Variants in JPH2 observed in about 807,000 individuals in gnomAD.
JPH2 encodes the protein junctophilin-2.
JPH2 carries 38 observed loss-of-function variants against 55.9 expected under a neutral mutation model. The ratio of observed to expected loss-of-function variants is 0.68; its 90% CI spans 0.52 to 0.89. The LOEUF (loss-of-function observed/expected upper bound fraction) is 0.89, where lower values mean the gene tolerates loss of function less well. Ranked by LOEUF, JPH2 falls within the 40% of genes least tolerant of loss-of-function variation. JPH2 has a pLI of 0.00. For synonymous variants in JPH2, 480 were observed against 472.4 expected (o/e 1.02, Z -0.21); for missense variants, 964 against 1,037.6 (o/e 0.93, Z 0.97).
intron 2 of JPH2, among the ~76,000 whole-genome samples, chr20:44,146,146 G>C (rs776850296): frequency 1.3e-5 from 2 of 151,188 alleles, no homozygotes; most frequent in Non-Finnish European, 2.9e-5. Flanking sequence ...CCATTCTCCT[G>C]CCTCAGCCTC....
chr20:44,172,895 A>C (rs986462920), intron 1 of JPH2, among the ~76,000 whole-genome samples: 19 of 152,332 alleles, frequency 1.2e-4, no homozygotes, highest in African/African-American at 4.6e-4. Context: ...AATCCTGAGA[A>C]GGTCACAGCT....
chr20:44,127,971 C>T (rs2072289527), intron 2 of JPH2, among the ~76,000 whole-genome samples: 1 of 151,954 alleles, frequency 6.6e-6, no homozygotes, highest in Middle Eastern at 3.2e-3. Flanking sequence ...GGATTTTTTT[C>T]CTTCTTATTA....
chr20:44,152,609 TTAAA>T (rs1333352611), intron 2 of JPH2, among the ~76,000 whole-genome samples: 3 of 152,146 alleles, frequency 2.0e-5, no homozygotes, highest in African/African-American at 7.2e-5. Flanking sequence ...TAAATAAAAA[TTAAA>T]TAAGCAGGCT....
At chr20:44,147,916 A>C (rs1247591547) in intron 2 of JPH2, among the ~76,000 whole-genome samples, 1 of 152,190 alleles carries the variant, frequency 6.6e-6, no homozygotes, top group African/African-American at 2.4e-5. Flanking sequence ...TAATTCCAGC[A>C]CTTTGGGAGG....
chr20:44,173,538 T>C (rs4239697), intron 1 of JPH2, among the ~76,000 whole-genome samples: 54,715 of 152,052 alleles, frequency 0.36, 10,657 homozygotes, highest in Admixed American at 0.52. Flanking sequence ...AACCCCCATC[T>C]TCCCACTTGA....
chr20:44,132,569 G>T (rs376105795), intron 2 of JPH2, among the ~76,000 whole-genome samples: 95 of 151,720 alleles, frequency 6.3e-4, no homozygotes, highest in African/African-American at 2.2e-3. Flanking sequence ...GCACGAGGCC[G>T]GAGAGGGCTG....
chr20:44,134,755 T>TATAAATATATAAAGATATATTTATA (rs2072390766), intron 2 of JPH2, among the ~76,000 whole-genome samples: 1 of 106,842 alleles, frequency 9.4e-6, no homozygotes, highest in African/African-American at 3.8e-5. Context: ...ATATATTTAT[T>TATAAATATATAAAGATATATTTATA]ATAAATATAT....
chr20:44,143,070 T>C (rs1442018117), intron 2 of JPH2, among the ~76,000 whole-genome samples: 3 of 152,142 alleles, frequency 2.0e-5, no homozygotes, highest in South Asian at 2.1e-4. Context: ...AGAGCAGGTG[T>C]TCGTGAGAGA....
Position 44,159,952 on chromosome 20 carries a change from A to G in JPH2, c.835T>C (p.Phe279Leu). 6.2e-7 allele frequency: 1 copy of G among 1,605,956 alleles called. No homozygotes were observed. Among genetic ancestry groups the G allele is most frequent in the Non-Finnish European group, 8.5e-7 (1 of 1,178,160 alleles). ...AAEGADEAAPFEADIDATTTE... is the reference protein window; with the variant it reads ...AAEGADEAAPLEADIDATTTE... ...GTGGTGGCGTCGATATCGGCCTCGA[A>G]GGGTGCGGCCTCGTCGGCGCCCTCG... is the stretch of plus-strand genomic sequence containing the variant. Residue 279 changes from phenylalanine (F) to leucine (L), a missense_variant, in exon 2 of 6, where the codon TTC becomes CTC. Transcript: ENST00000372980. The surrounding 1 kb of genome is among the most constrained non-coding windows in gnomAD (Gnocchi z 5.7).
chr20:44,119,156 C>T (rs529212582), intron 2 of JPH2, among the ~76,000 whole-genome samples: 1 of 152,308 alleles, frequency 6.6e-6, no homozygotes, highest in African/African-American at 2.4e-5. Context: ...TAAAAGAACA[C>T]ATTTGTAAAA....
intron 1 of JPH2, among the ~76,000 whole-genome samples, chr20:44,162,235 C>A (rs555049665): frequency 1.6e-4 from 25 of 152,298 alleles, no homozygotes; most frequent in African/African-American, 6.0e-4. Flanking sequence ...GAGTAGACAA[C>A]CAAGGATGGG....
At chr20:44,169,181 T>C (rs1024430693) in intron 1 of JPH2, among the ~76,000 whole-genome samples, 2 of 149,380 alleles carry the variant, frequency 1.3e-5, no homozygotes, top group East Asian at 3.9e-4. Flanking sequence ...GTATTTTTTT[T>C]TTTTTTTTTT....
chr20:44,152,077 C>A (rs1340711314), intron 2 of JPH2, among the ~76,000 whole-genome samples: 6 of 152,238 alleles, frequency 3.9e-5, no homozygotes, highest in African/African-American at 1.4e-4. Flanking sequence ...CATGGCTTCG[C>A]CCTCAACGTG....
chr20:44,115,411 C>T (rs1195697789), intron 4 of JPH2, among the ~76,000 whole-genome samples: 1 of 152,192 alleles, frequency 6.6e-6, no homozygotes, highest in African/African-American at 2.4e-5. Flanking sequence ...CTCATGAGAA[C>T]TGTCTCTGCC....
chr20:44,166,664 T>C (rs2072657747), intron 1 of JPH2, among the ~76,000 whole-genome samples: 1 of 152,038 alleles, frequency 6.6e-6, no homozygotes, highest in Non-Finnish European at 1.5e-5. Context: ...GACAGGGCCC[T>C]GGGAAGGGGA....
At chr20:44,117,329 C>T (rs2072200613) in intron 3 of JPH2, among the ~76,000 whole-genome samples, 1 of 152,164 alleles carries the variant, frequency 6.6e-6, no homozygotes, top group South Asian at 2.1e-4. Flanking sequence ...CATCTCTGTC[C>T]CTCAGGGGTT....
chr20:44,142,187 C>T (rs76656389), intron 2 of JPH2, among the ~76,000 whole-genome samples: 3,180 of 152,272 alleles, frequency 0.021, 42 homozygotes, highest in Non-Finnish European at 0.031. Context: ...ACCTGCAAGG[C>T]CCCCGAAGCC....
rs1478364803 is a variant in JPH2 at position 44,160,265 on chromosome 20, C to G, written c.522G>C (p.Thr174=). Residue 174 remains threonine, a synonymous_variant, in exon 2 of 6, where the codon ACG becomes ACC. Transcript: ENST00000372980. The surrounding 1 kb of genome is among the most constrained non-coding windows in gnomAD (Gnocchi z 4.9). ...SSLRSEHSNG[T]VAPDSPASPA... is the part of the protein sequence containing the mutation. ...GCGAGGCGGGAGAGTCCGGGGCCACCGTGCCGTTGCTGTGCTCGCTGCGCA... is the reference window on the plus strand; with the variant it reads ...GCGAGGCGGGAGAGTCCGGGGCCACGGTGCCGTTGCTGTGCTCGCTGCGCA... The G allele has an allele frequency of 2.6e-6, 4 of 1,531,222 alleles. No homozygotes were observed. The highest frequency in any genetic ancestry group is 2.8e-5 in the African/African-American group (2 of 72,500). 94.9% of individuals were successfully genotyped at this position (1,531,222 alleles called of 1,614,324 possible).
rs543997315 is a variant in JPH2, at chr20:44,116,235, G to A, written c.1440C>T (p.Pro480=). 1.7e-5 allele frequency: 25 copies of A among 1,435,980 alleles called. No individual in the cohort carries two copies. In the East Asian group the frequency reaches 5.4e-4, roughly 31 times the overall value. 89.0% of individuals were successfully genotyped at this position (1,435,980 alleles called of 1,614,324 possible). A position where few individuals can be genotyped will look rare whatever the true frequency, so the allele number is the denominator to read the frequency against. ...CGGCCGGTGACGGGGAGCCACCCTC[G>A]GGCCGAGGGGTCTCACGCTCGTGCA... ...PQLHERETPR[P]EGGSPSPAGT... is the part of the protein sequence containing the mutation. Residue 480 remains proline, a synonymous_variant, in exon 4 of 6, where the codon CCC becomes CCT. Coordinates refer to ENST00000372980, the MANE Select transcript of JPH2 (RefSeq NM_020433.5).
Sources: gnomAD v4.1 joint callset for allele counts (sites outside exome capture counted in the v4.1 genomes callset) on GRCh38, gnomAD v4.1.1 for gene constraint, Gnocchi (gnomAD v3.1) non-coding constraint, MANE v1.5 for transcripts, NCBI Gene and HGNC (gene_info 2026-07-23, HGNC 2026-07-21) for gene names.